Variants in CHCHD3 observed in about 807,000 individuals in gnomAD.
The protein encoded by CHCHD3 is coiled-coil-helix-coiled-coil-helix domain containing 3.
CHCHD3 carries 20 observed loss-of-function variants against 38.2 expected under a neutral mutation model. The observed-to-expected ratio is 0.52, with a 90% CI of 0.37 to 0.76. CHCHD3 has a LOEUF of 0.76. Ranked by LOEUF, CHCHD3 falls within the 30% of genes least tolerant of loss-of-function variation. The pLI is 0.00. For synonymous variants in CHCHD3, 82 were observed against 100.0 expected (o/e 0.82, Z 1.07); for missense variants, 245 against 279.2 (o/e 0.88, Z 0.87).
intron 7 of CHCHD3, among the ~76,000 whole-genome samples, chr7:132,786,914 T>C (rs1387730077): frequency 1.3e-5 from 2 of 152,254 alleles, no homozygotes; most frequent in Non-Finnish European, 2.9e-5. Context: ...CCAGTTTCTG[T>C]GTCCCCTTCC....
intron 4 of CHCHD3, among the ~76,000 whole-genome samples, chr7:132,922,106 A>G (rs1810276342): frequency 6.6e-6 from 1 of 152,140 alleles, no homozygotes; most frequent in African/African-American, 2.4e-5. Context: ...GACAGAGTAA[A>G]GGAAAAAAAC....
intron 3 of CHCHD3, among the ~76,000 whole-genome samples, chr7:132,992,041 G>T (rs956907403): frequency 2.0e-5 from 3 of 152,144 alleles, no homozygotes; most frequent in African/African-American, 7.2e-5. Flanking sequence ...GGAAGGCAAG[G>T]TCTCTAAACA....
intron 4 of CHCHD3, among the ~76,000 whole-genome samples, chr7:132,959,326 T>C (rs556958299): frequency 2.6e-5 from 4 of 152,220 alleles, no homozygotes; most frequent in Admixed American, 6.5e-5. Context: ...ATACCCTTAA[T>C]ACACAGTTGT....
rs188478483 is a variant in CHCHD3 at position 132,900,272 on chromosome 7, A to G, written c.370-14527T>C. On this transcript the variant is annotated intron_variant, in intron 4 of 7. Transcript: ENST00000262570. ...CATCCTGTTTATGTTTCTTTACAGA[A>G]GCTGGTACAATTACATCATACGGAC... Among the ~76,000 whole-genome samples the G allele has an allele frequency of 3.1e-4, 5 of 16,242 alleles. No individual in the cohort carries two copies. In the East Asian group the frequency reaches 4.9e-3, roughly 16 times the overall value. 10.7% of individuals were successfully genotyped at this position (16,242 alleles called of 152,430 possible).
chr7:133,073,065 A>C (rs938663723), intron 1 of CHCHD3, among the ~76,000 whole-genome samples: 8 of 152,014 alleles, frequency 5.3e-5, no homozygotes, highest in African/African-American at 1.9e-4. Flanking sequence ...GTCACCAATG[A>C]CCAAATAAAT....
intron 4 of CHCHD3, among the ~76,000 whole-genome samples, chr7:132,963,712 C>CACACACACACACAT (rs1811389728): frequency 1.3e-5 from 2 of 151,542 alleles, no homozygotes; most frequent in South Asian, 2.1e-4. Context: ...CACACACACA[C>CACACACACACACAT]ATAATCTAGC....
intron 4 of CHCHD3, among the ~76,000 whole-genome samples, chr7:132,891,234 A>C (rs1158998255): frequency 6.6e-6 from 1 of 152,248 alleles, no homozygotes; most frequent in East Asian, 1.9e-4. Flanking sequence ...ACAAAGTATT[A>C]TACTTCCAGC....
At chr7:132,908,460 T>C (rs1809852269) in intron 4 of CHCHD3, among the ~76,000 whole-genome samples, 2 of 152,362 alleles carry the variant, frequency 1.3e-5, no homozygotes, top group South Asian at 4.1e-4. Flanking sequence ...TGTTGTTTAG[T>C]ATGCCATCTT....
At chr7:133,013,308 C>A (rs1211473397) in intron 3 of CHCHD3, among the ~76,000 whole-genome samples, 1 of 151,806 alleles carries the variant, frequency 6.6e-6, no homozygotes, top group Non-Finnish European at 1.5e-5. Flanking sequence ...TGGGTGACTC[C>A]AGATGCCGAC....
At chr7:132,789,895 A>T (rs1311723333) in intron 7 of CHCHD3, among the ~76,000 whole-genome samples, 2 of 152,136 alleles carry the variant, frequency 1.3e-5, no homozygotes, top group Admixed American at 1.3e-4. Context: ...GAGTTTTACT[A>T]AGGAGGGTCA....
intron 6 of CHCHD3, among the ~76,000 whole-genome samples, chr7:132,829,096 T>C (rs972517369): frequency 6.6e-6 from 1 of 152,212 alleles, no homozygotes; most frequent in African/African-American, 2.4e-5. Flanking sequence ...TTTGAAAGCA[T>C]GATTTTTAAC....
At chr7:133,014,863 C>T (rs1486472378) in intron 3 of CHCHD3, among the ~76,000 whole-genome samples, 6 of 152,116 alleles carry the variant, frequency 3.9e-5, no homozygotes, top group Admixed American at 1.3e-4. Flanking sequence ...TGAGCACACA[C>T]GTGCCTCACT....
intron 4 of CHCHD3, chr7:132,887,005 A>G (rs535639933): frequency 3.5e-5 from 44 of 1,268,652 alleles, no homozygotes; most frequent in Non-Finnish European, 4.4e-5. Context: ...CATGTTAAAA[A>G]TAAAATAAAC....
intron 6 of CHCHD3, among the ~76,000 whole-genome samples, chr7:132,805,116 G>T (rs1806882036): frequency 6.6e-6 from 1 of 152,248 alleles, no homozygotes; most frequent in South Asian, 2.1e-4. Flanking sequence ...GACTAGGAAG[G>T]GGGAGTAAAG....
intron 4 of CHCHD3, among the ~76,000 whole-genome samples, chr7:132,889,115 T>A (rs1466066602): frequency 3.9e-5 from 6 of 152,094 alleles, no homozygotes; most frequent in African/African-American, 1.2e-4. Context: ...TGAGGGCATC[T>A]AAAAGAGTGA....
At chr7:132,794,614 A>C (rs1806556906) in intron 7 of CHCHD3, among the ~76,000 whole-genome samples, 1 of 152,210 alleles carries the variant, frequency 6.6e-6, no homozygotes, top group African/African-American at 2.4e-5. Context: ...TGAATATAAG[A>C]GCCACGAAAA....
At chr7:133,004,571 A>T (rs1307659339) in intron 3 of CHCHD3, among the ~76,000 whole-genome samples, 2 of 152,240 alleles carry the variant, frequency 1.3e-5, no homozygotes, top group African/African-American at 4.8e-5. Flanking sequence ...GAGAGGCCAG[A>T]GCAGGAGGAC....
At chr7:132,883,229 T>C (rs1040008472) in intron 5 of CHCHD3, among the ~76,000 whole-genome samples, 7 of 152,170 alleles carry the variant, frequency 4.6e-5, no homozygotes, top group Admixed American at 2.0e-4. Flanking sequence ...CTCTAAGCCA[T>C]GTACAATGCT....
intron 1 of CHCHD3, among the ~76,000 whole-genome samples, chr7:133,080,738 G>C (rs1224906918): frequency 2.0e-5 from 3 of 152,180 alleles, no homozygotes; most frequent in African/African-American, 7.2e-5. Context: ...GAGTTCGACA[G>C]TCTGAGTTTC....
Sources: gnomAD v4.1 joint callset for allele counts (sites outside exome capture counted in the v4.1 genomes callset) on GRCh38, gnomAD v4.1.1 for gene constraint, MANE v1.5 for transcripts, NCBI Gene and HGNC (gene_info 2026-07-23, HGNC 2026-07-21) for gene names.